MBNL1: variants seen among roughly 807,000 people sequenced by gnomAD.
The protein encoded by MBNL1 is muscleblind like splicing regulator 1.
Under a neutral mutation model 42.2 loss-of-function variants are expected in MBNL1, and 8 were observed. That is an observed-to-expected ratio of 0.19 (90% CI 0.11 to 0.34). The LOEUF is 0.34. Among genes scored for constraint, MBNL1 ranks in the 10% least tolerant of loss-of-function variants. The pLI is 1.00. For synonymous variants in MBNL1, 169 were observed against 173.9 expected (o/e 0.97, Z 0.22); for missense variants, 309 against 495.3 (o/e 0.62, Z 3.57).
chr3:152,396,899 T>G (rs1285382801), intron 2 of MBNL1, among the ~76,000 whole-genome samples: 1 of 152,176 alleles, frequency 6.6e-6, no homozygotes, highest in Non-Finnish European at 1.5e-5. Context: ...CAATTTCTTT[T>G]CCATGGTGGA....
intron 3 of MBNL1, 47 bp downstream of exon 3, chr3:152,415,158 G>A: frequency 6.6e-7 from 1 of 1,511,014 alleles, no homozygotes; most frequent in Non-Finnish European, 8.9e-7. Context: ...GATTCAAAGT[G>A]CTCAGTTGTA....
intron 1 of MBNL1, among the ~76,000 whole-genome samples, chr3:152,274,699 T>C (rs1158261608): frequency 6.6e-6 from 1 of 152,190 alleles, no homozygotes; most frequent in Non-Finnish European, 1.5e-5. Context: ...AATTTTCATA[T>C]ATGTTTTAAT....
At chr3:152,304,952 G>A (rs748684868) in intron 2 of MBNL1, among the ~76,000 whole-genome samples, 7 of 152,122 alleles carry the variant, frequency 4.6e-5, no homozygotes, top group African/African-American at 7.2e-5. Context: ...CAAGCTACCT[G>A]CTGCAGTAAT....
intron 3 of MBNL1, among the ~76,000 whole-genome samples, chr3:152,418,664 C>T (rs1183659978): frequency 7.0e-6 from 1 of 143,598 alleles, no homozygotes; most frequent in Non-Finnish European, 1.5e-5. Context: ...TGACCTTCCT[C>T]AACAAATGGT....
Position 152,299,911 on chromosome 3 carries a change from C to T in MBNL1, c.-283C>T, listed in dbSNP as rs1388115177. 2.3e-6 allele frequency: 1 copy of T among 433,084 alleles called. No homozygotes were observed. The allele number at this position is 433,084 out of a possible 1,614,324, so 26.8% of individuals were successfully genotyped here. On this transcript the variant is annotated 5_prime_UTR_variant, in exon 2 of 10. Transcript: ENST00000324210. ...CTGAGAGCACAAGGCTGATACCAGG[C>T]CCTACTTTTAAACGTTCATCTACTT...
chr3:152,447,800 G>T, intron 6 of MBNL1, 27 bp downstream of exon 6: 1 of 1,605,946 alleles, frequency 6.2e-7, no homozygotes, highest in South Asian at 1.1e-5. Context: ...CTTAATAAAT[G>T]AATCTGATGA....
chr3:152,276,907 C>T (rs1262874759), intron 1 of MBNL1, among the ~76,000 whole-genome samples: 1 of 151,788 alleles, frequency 6.6e-6, no homozygotes, highest in Non-Finnish European at 1.5e-5. Context: ...GGGAGTGGCC[C>T]TAGAATGAAA....
intron 4 of MBNL1, among the ~76,000 whole-genome samples, chr3:152,443,066 T>A (rs3796273): frequency 0.32 from 48,928 of 151,910 alleles, 8,123 homozygotes; most frequent in Middle Eastern, 0.41. Flanking sequence ...TGACACATTC[T>A]GAGCTAATTC....
intron 2 of MBNL1, among the ~76,000 whole-genome samples, chr3:152,318,435 C>T (rs1364027355): frequency 6.6e-6 from 1 of 152,040 alleles, no homozygotes; most frequent in Non-Finnish European, 1.5e-5. Context: ...ATTTATTGAG[C>T]TATGTTTTTT....
chr3:152,246,198 A>G (rs2032960247), intron 2 of MBNL1, among the ~76,000 whole-genome samples: 1 of 152,220 alleles, frequency 6.6e-6, no homozygotes, highest in African/African-American at 2.4e-5. Flanking sequence ...ATTAAGTGTT[A>G]TATGTAGTAT....
intron 3 of MBNL1, among the ~76,000 whole-genome samples, chr3:152,431,216 C>T (rs935427870): frequency 6.6e-6 from 1 of 152,142 alleles, no homozygotes; most frequent in African/African-American, 2.4e-5. Flanking sequence ...AGCAGCATCC[C>T]TGGCGTCCAT....
chr3:152,411,445 A>G (rs1161953492), intron 2 of MBNL1, among the ~76,000 whole-genome samples: 6 of 152,142 alleles, frequency 3.9e-5, no homozygotes, highest in Admixed American at 1.3e-4. Context: ...GTGTGAACCC[A>G]GGAGGCGGAG....
chr3:152,329,702 T>TATATATAATATATATGTCATATATA, intron 2 of MBNL1, among the ~76,000 whole-genome samples: 1 of 146,930 alleles, frequency 6.8e-6, no homozygotes. Context: ...ATATTATATA[T>TATATATAATATATATGTCATATATA]ATATATAATA....
rs1441684694 is a variant in MBNL1 at position 152,269,092 on chromosome 3, G to A, written c.-790G>A. Reference sequence around the variant, plus strand: ...CCGCCTCTGAAAAAAAAATGTGAGAGGTAAGTTTCCATTTTCACAGTTTCC... The same window carrying A: ...CCGCCTCTGAAAAAAAAATGTGAGAAGTAAGTTTCCATTTTCACAGTTTCC... On this transcript the variant is annotated splice_region_variant and 5_prime_UTR_variant, in exon 1 of 10. Transcript: ENST00000324210. 1 of 454,566 alleles carries A rather than the reference G, an allele frequency of 2.2e-6. No individual in the cohort carries two copies. Among genetic ancestry groups the A allele is most frequent in the African/African-American group, 2.0e-5 (1 of 49,964 alleles). The allele number at this position is 454,566 out of a possible 1,614,324, so 28.2% of individuals were successfully genotyped here.
chr3:152,274,900 T>C (rs1197308930), intron 1 of MBNL1, among the ~76,000 whole-genome samples: 1 of 152,220 alleles, frequency 6.6e-6, no homozygotes, highest in African/African-American at 2.4e-5. Flanking sequence ...GCTTGTGCTA[T>C]GCTAAATATA....
chr3:152,330,546 T>C (rs1354330993), intron 2 of MBNL1, among the ~76,000 whole-genome samples: 1 of 152,214 alleles, frequency 6.6e-6, no homozygotes, highest in African/African-American at 2.4e-5. Context: ...CCTAAGATTA[T>C]TATTTGCTAT....
chr3:152,370,457 A>C (rs1288196022), intron 2 of MBNL1, among the ~76,000 whole-genome samples: 1 of 152,194 alleles, frequency 6.6e-6, no homozygotes, highest in East Asian at 1.9e-4. Context: ...TGTGGTGCTG[A>C]GAAGAATGTA....
At chr3:152,274,446 A>G (rs909913908) in intron 1 of MBNL1, among the ~76,000 whole-genome samples, 1 of 152,158 alleles carries the variant, frequency 6.6e-6, no homozygotes, top group Non-Finnish European at 1.5e-5. Flanking sequence ...GTAGAAAGTG[A>G]TATTTAATAA....
chr3:152,343,669 G>A (rs908591602), intron 2 of MBNL1, among the ~76,000 whole-genome samples: 6 of 152,050 alleles, frequency 3.9e-5, no homozygotes, highest in African/African-American at 1.4e-4. Flanking sequence ...GGAGCTGAGG[G>A]TGCATAACAT....
Sources: allele counts gnomAD v4.1 joint callset (sites outside exome capture counted in the v4.1 genomes callset), GRCh38; gene constraint gnomAD v4.1.1; transcripts MANE v1.5; gene names NCBI Gene and HGNC (gene_info 2026-07-23, HGNC 2026-07-21).